Variants in CNTN1 observed in about 807,000 individuals in gnomAD.
The protein encoded by CNTN1 is contactin-1.
A neutral mutation model predicts 126.4 loss-of-function variants in CNTN1; 38 were observed. The observed-to-expected ratio is 0.30, with a 90% CI of 0.23 to 0.39. The LOEUF (loss-of-function observed/expected upper bound fraction) is 0.39, where lower values mean the gene tolerates loss of function less well. CNTN1 is among the 10% of genes least tolerant of loss of function. The probability of loss-of-function intolerance (pLI) is 1.00; values close to 1 mark genes in which losing one functional copy is unlikely to be tolerated. For missense variants in CNTN1, 1,009 were observed against 1,248.4 expected, an observed-to-expected ratio of 0.81 and a Z score of 2.89; for synonymous variants, 413 against 422.6, an observed-to-expected ratio of 0.98 and a Z score of 0.28.
intron 1 of CNTN1, among the ~76,000 whole-genome samples, chr12:40,766,329 C>A (rs1939085640): frequency 6.7e-6 from 1 of 148,880 alleles, no homozygotes; most frequent in South Asian, 2.1e-4. Context: ...TGTACTCCAG[C>A]CTGGGTGACG....
chr12:40,713,237 C>T (rs1184837076), intron 1 of CNTN1, among the ~76,000 whole-genome samples: 47 of 147,946 alleles, frequency 3.2e-4, no homozygotes, highest in Admixed American at 1.4e-3. Context: ...TTTTTTACTG[C>T]TTTCTCAAAA....
At chr12:40,904,987 A>G (rs1340556869) in intron 1 of CNTN1, among the ~76,000 whole-genome samples, 1 of 152,248 alleles carries the variant, frequency 6.6e-6, no homozygotes, top group Non-Finnish European at 1.5e-5. Flanking sequence ...CAATTGTGCT[A>G]TGAATTAGAT....
rs796252177 is a variant in CNTN1, at chr12:40,965,990, T to A, written c.1804+6756T>A. The stretch of plus-strand genomic sequence containing the variant: ...AAACAGGCGTGTAAGTATACACACC[T>A]CATCACACCACACACACACACACAC... On this transcript the variant is annotated intron_variant, in intron 15 of 23. Coordinates refer to ENST00000551295, the MANE Select transcript of CNTN1 (RefSeq NM_001843.4). 3.6e-3 allele frequency among the ~76,000 whole-genome samples: 490 copies of A among 136,242 alleles called. 2 individuals are homozygous for A. The highest frequency in any genetic ancestry group is 0.013 in the African/African-American group (473 of 35,166). 89.4% of individuals were successfully genotyped at this position (136,242 alleles called of 152,430 possible).
chr12:40,820,346 A>G (rs1941405833), intron 1 of CNTN1, among the ~76,000 whole-genome samples: 1 of 152,164 alleles, frequency 6.6e-6, no homozygotes, highest in South Asian at 2.1e-4. Context: ...TCAAATTTCA[A>G]TGTAAGGTTC....
At chr12:40,713,127 G>A (rs1941965529) in intron 1 of CNTN1, among the ~76,000 whole-genome samples, 1 of 151,760 alleles carries the variant, frequency 6.6e-6, no homozygotes, top group South Asian at 2.1e-4. Flanking sequence ...TCCTGCTCAG[G>A]ACATTATTTT....
chr12:40,789,399 A>ATTTTTT lies in CNTN1; in HGVS notation c.-77+96807_-77+96808insTTTTTT, dbSNP rs1940146390. Reference sequence around the variant, plus strand: ...AGAGGCATACTGTTGCAATGAAAACAACCTAAAGAAATTGAAATTTGAATT... The same window carrying ATTTTTT: ...AGAGGCATACTGTTGCAATGAAAACATTTTTTACCTAAAGAAATTGAAATTTGAATT... On this transcript the variant is annotated intron_variant, in intron 1 of 23. Coordinates refer to ENST00000551295, the MANE Select transcript of CNTN1 (RefSeq NM_001843.4). Among the ~76,000 whole-genome samples, 2 of 1,640 alleles carry ATTTTTT rather than the reference A, an allele frequency of 1.2e-3. 1 individual carries two copies. Among genetic ancestry groups the ATTTTTT allele is most frequent in the African/African-American group, 2.1e-3 (2 of 968 alleles). The allele number at this position is 1,640 out of a possible 152,430, so 1.1% of individuals were successfully genotyped here.
rs368538336 is a variant in CNTN1, at chr12:40,956,800, G to C, written c.1684-2314G>C. 2.6e-5 allele frequency among the ~76,000 whole-genome samples: 4 copies of C among 152,144 alleles called. No homozygotes were observed. In the East Asian group the frequency reaches 5.8e-4, roughly 22 times the overall value. On this transcript the variant is annotated intron_variant, in intron 14 of 23. Coordinates refer to ENST00000551295, the MANE Select transcript of CNTN1 (RefSeq NM_001843.4). ...TTTATCTGCTTTTATGGAGACAAGT[G>C]AGTTGGGCCCAGCTGCATTTTTAAA...
rs1950165061 is a variant in CNTN1 at position 41,071,881 on chromosome 12, A to G, written c.*1846A>G. The G allele has an allele frequency of 6.6e-6, 1 of 152,164 alleles. No individual in the cohort carries two copies. The highest frequency in any genetic ancestry group is 2.4e-5 in the African/African-American group (1 of 41,454). 9.4% of individuals were successfully genotyped at this position (152,164 alleles called of 1,614,324 possible). On this transcript the variant is annotated 3_prime_UTR_variant, in exon 24 of 24. Transcript: ENST00000551295. ...GGGTTTTACTTTTGCAATGTGACCC[A>G]TGTTGGGCATTTTTATATAATCAAC...
At chr12:40,809,812 TCTCACACA>T (rs1388153517) in intron 1 of CNTN1, among the ~76,000 whole-genome samples, 3 of 42,058 alleles carry the variant, frequency 7.1e-5, no homozygotes, top group Non-Finnish European at 1.4e-4. Flanking sequence ...TGAGACTCTG[TCTCACACA>T]CACACACACA....
At chr12:40,836,123 T>C (rs1942047225) in intron 1 of CNTN1, among the ~76,000 whole-genome samples, 1 of 121,546 alleles carries the variant, frequency 8.2e-6, no homozygotes, top group African/African-American at 3.0e-5. Context: ...GGTATATATA[T>C]ACGTACATAT....
chr12:40,978,317 T>C (rs1252979163), intron 15 of CNTN1, among the ~76,000 whole-genome samples: 1 of 151,938 alleles, frequency 6.6e-6, no homozygotes, highest in Non-Finnish European at 1.5e-5. Flanking sequence ...TGTAGGCAAT[T>C]ACTAGATGGA....
chr12:40,744,047 C>T (rs1329345813), intron 1 of CNTN1, among the ~76,000 whole-genome samples: 2 of 151,884 alleles, frequency 1.3e-5, no homozygotes, highest in Non-Finnish European at 2.9e-5. Context: ...GAAAACCAAA[C>T]ACCACATGTT....
At chr12:40,774,336 A>G (rs948471351) in intron 1 of CNTN1, among the ~76,000 whole-genome samples, 1 of 151,640 alleles carries the variant, frequency 6.6e-6, no homozygotes, top group Non-Finnish European at 1.5e-5. Flanking sequence ...AAGGCTCTCT[A>G]AGGAAGGCAG....
intron 1 of CNTN1, among the ~76,000 whole-genome samples, chr12:40,720,645 C>T (rs1431720516): frequency 6.6e-6 from 1 of 151,974 alleles, no homozygotes; most frequent in East Asian, 1.9e-4. Context: ...AATATATTGT[C>T]AGGCCAGGCG....
rs2136871850 is a variant in CNTN1 at position 40,922,338 on chromosome 12, G to A, written c.310G>A (p.Asp104Asn). The change falls in exon 5 of 24, where the codon GAC becomes AAC. Residue 104 changes from aspartate (D) to asparagine (N), a missense_variant. Coordinates refer to ENST00000551295, the MANE Select transcript of CNTN1 (RefSeq NM_001843.4). ...VGGNLVINNP[D>N]KQKDAGIYYC... ...AGGAAACCTTGTTATCAACAACCCTGACAAACAGAAAGATGCTGGAATATA... is the reference window on the plus strand; with the variant it reads ...AGGAAACCTTGTTATCAACAACCCTAACAAACAGAAAGATGCTGGAATATA... The A allele has an allele frequency of 1.2e-6, 2 of 1,614,034 alleles. No individual in the cohort carries two copies. Among genetic ancestry groups the A allele is most frequent in the Non-Finnish European group, 1.7e-6 (2 of 1,179,966 alleles).
intron 1 of CNTN1, among the ~76,000 whole-genome samples, chr12:40,724,979 A>C (rs1942310802): frequency 6.6e-6 from 1 of 152,240 alleles, no homozygotes; most frequent in South Asian, 2.1e-4. Context: ...AAAAATATAA[A>C]GAGACCAAAA....
intron 1 of CNTN1, among the ~76,000 whole-genome samples, chr12:40,781,728 G>A (rs1486580257): frequency 6.6e-6 from 1 of 151,928 alleles, no homozygotes; most frequent in Non-Finnish European, 1.5e-5. Context: ...GAATATAGCA[G>A]AATAAAAGGC....
intron 17 of CNTN1, among the ~76,000 whole-genome samples, chr12:41,007,084 G>T (rs1286373692): frequency 8.6e-6 from 1 of 116,262 alleles, no homozygotes; most frequent in South Asian, 2.9e-4. Flanking sequence ...TTTTGAGACG[G>T]AGTCTCGCTC....
At position 40,704,426 on chromosome 12, in the gene CNTN1, C is replaced by A. The variant is rs938976003; in HGVS notation, c.-77+11834C>A. On this transcript the variant is annotated intron_variant, in intron 1 of 23. Transcript: ENST00000551295. ...CTTGCTGTTAGGTATCTTATGAAAA[C>A]TCCCTTTGAGTAGTTAAGAAAAGAT... 2.0e-5 allele frequency among the ~76,000 whole-genome samples: 3 copies of A among 152,080 alleles called. No homozygotes were observed. The East Asian group carries it at 5.8e-4, about 29-fold the overall frequency.
Sources: gnomAD v4.1 joint callset for allele counts (sites outside exome capture counted in the v4.1 genomes callset) on GRCh38, gnomAD v4.1.1 for gene constraint, MANE v1.5 for transcripts, NCBI Gene and HGNC (gene_info 2026-07-23, HGNC 2026-07-21) for gene names.